LAMA2: variants seen among roughly 807,000 people sequenced by gnomAD.
LAMA2 encodes the protein laminin subunit alpha-2.
LAMA2 carries 269 observed loss-of-function variants against 364.8 expected under a neutral mutation model. The ratio of observed to expected loss-of-function variants is 0.74; its 90% CI spans 0.67 to 0.82. The LOEUF (loss-of-function observed/expected upper bound fraction) is 0.82. Ranked by LOEUF, LAMA2 falls within the 40% of genes least tolerant of loss-of-function variation. The pLI, the probability that LAMA2 is intolerant of heterozygous loss-of-function variation, is 0.00. For synonymous variants in LAMA2, 1,379 were observed against 1,370.6 expected (o/e 1.01, Z -0.14); for missense variants, 3,807 against 3,873.2 (o/e 0.98, Z 0.45).
chr6:129,424,687 A>G (rs1331426936), intron 40 of LAMA2, among the ~76,000 whole-genome samples: 1 of 152,062 alleles, frequency 6.6e-6, no homozygotes, highest in Non-Finnish European at 1.5e-5. Flanking sequence ...AATGTCTAAA[A>G]TTTTAAAAGA....
At chr6:129,349,435 G>C (rs2114585014) in intron 31 of LAMA2, 51 bp downstream of exon 31, 2 of 1,331,744 alleles carry the variant, frequency 1.5e-6, no homozygotes, top group South Asian at 1.2e-5. Flanking sequence ...GGACTATATG[G>C]TAAAGGGTCA....
At chr6:128,922,282 C>A (rs1778789702) in intron 1 of LAMA2, among the ~76,000 whole-genome samples, 2 of 150,694 alleles carry the variant, frequency 1.3e-5, no homozygotes, top group African/African-American at 4.9e-5. Flanking sequence ...GGAATCGCCA[C>A]ACTGACTTCC....
In LAMA2 at chr6:129,315,748, T is replaced by A. The variant is rs765122180; in HGVS notation, c.3736-14T>A. The A allele has an allele frequency of 6.2e-7, 1 of 1,613,896 alleles. No individual in the cohort carries two copies. Among genetic ancestry groups the A allele is most frequent in the South Asian group, 1.1e-5 (1 of 91,076 alleles). ...GATTTATCCAATTCCTCATTCTTCTTTTTATTTTGTCAGTTGATGGCCTAT... is the reference window on the plus strand; with the variant it reads ...GATTTATCCAATTCCTCATTCTTCTATTTATTTTGTCAGTTGATGGCCTAT... On this transcript the variant is annotated splice_polypyrimidine_tract_variant and intron_variant, in intron 25 of 64. Transcript: ENST00000421865.
chr6:129,239,247 A>T (rs265381), intron 12 of LAMA2, among the ~76,000 whole-genome samples: 91,629 of 152,072 alleles, frequency 0.6, 31,505 homozygotes, highest in Non-Finnish European at 0.77. Flanking sequence ...ACACACAGCT[A>T]AAAAGTGGCA....
intron 38 of LAMA2, 104 bp from the exon 39 acceptor site, chr6:129,402,220 A>AG (rs1780017549): frequency 2.2e-6 from 2 of 900,726 alleles, no homozygotes; most frequent in Non-Finnish European, 3.3e-6. Context: ...AAAAAAAAAA[A>AG]AAAAAAACTA....
At chr6:128,975,789 G>C (rs940212147) in intron 1 of LAMA2, among the ~76,000 whole-genome samples, 1 of 152,208 alleles carries the variant, frequency 6.6e-6, no homozygotes, top group African/African-American at 2.4e-5. Context: ...CCATGATTGT[G>C]AGGCCTCCCC....
chr6:129,325,593 T>A (rs1002937081), intron 28 of LAMA2, among the ~76,000 whole-genome samples: 1 of 151,386 alleles, frequency 6.6e-6, no homozygotes, highest in Non-Finnish European at 1.5e-5. Flanking sequence ...TGTCAAATAC[T>A]CTCTCTCTCT....
At position 129,503,085 on chromosome 6, in the gene LAMA2, T is replaced by A; in HGVS notation, c.8358-6T>A. The stretch of plus-strand genomic sequence containing the variant: ...CTGTTTGACTTTGCATGCTTTTGTT[T>A]CACAGTCTCACAATTGAGTTGGAAG... On this transcript the variant is annotated splice_polypyrimidine_tract_variant and splice_region_variant and intron_variant, in intron 59 of 64. Transcript: ENST00000421865. 2 of 1,613,732 alleles carry A rather than the reference T, an allele frequency of 1.2e-6. No individual in the cohort carries two copies. Among genetic ancestry groups the A allele is most frequent in the Non-Finnish European group, 1.7e-6 (2 of 1,179,602 alleles).
At chr6:129,330,726 C>T (rs553189308) in intron 29 of LAMA2, among the ~76,000 whole-genome samples, 3 of 150,638 alleles carry the variant, frequency 2.0e-5, no homozygotes, top group Admixed American at 1.3e-4. Context: ...CTCATGCTTT[C>T]ACTGTAGTAA....
intron 51 of LAMA2, among the ~76,000 whole-genome samples, chr6:129,470,998 C>T (rs1783785075): frequency 6.6e-6 from 1 of 151,698 alleles, no homozygotes; most frequent in Non-Finnish European, 1.5e-5. Context: ...TTCAGTGGAT[C>T]AAGAAAGAGA....
chr6:129,266,250 C>T (rs1341228233), intron 15 of LAMA2, among the ~76,000 whole-genome samples: 1 of 152,112 alleles, frequency 6.6e-6, no homozygotes, highest in Non-Finnish European at 1.5e-5. Flanking sequence ...TTTTGCATCT[C>T]ATCCATTTTG....
intron 28 of LAMA2, 46 bp downstream of exon 28, chr6:129,320,701 A>G: frequency 9.8e-7 from 1 of 1,015,708 alleles, no homozygotes; most frequent in South Asian, 1.3e-5. Context: ...TCACTTCAGG[A>G]GCTAAATGGA....
intron 15 of LAMA2, among the ~76,000 whole-genome samples, chr6:129,264,978 G>A (rs1485170413): frequency 6.6e-6 from 1 of 152,164 alleles, no homozygotes; most frequent in African/African-American, 2.4e-5. Flanking sequence ...ATGAGGCTAA[G>A]AGGACAGTTT....
At chr6:129,021,142 C>G (rs1338523662) in intron 1 of LAMA2, among the ~76,000 whole-genome samples, 2 of 152,112 alleles carry the variant, frequency 1.3e-5, no homozygotes, top group East Asian at 3.9e-4. Context: ...GGCTTAAATT[C>G]CAGTGTTTAA....
At chr6:128,891,478 T>C (rs1340860151) in intron 1 of LAMA2, among the ~76,000 whole-genome samples, 1 of 152,104 alleles carries the variant, frequency 6.6e-6, no homozygotes, top group African/African-American at 2.4e-5. Context: ...AAAGAGAATA[T>C]GAAGCAGTGC....
At chr6:129,282,706 CATTCT>C (rs1295278494) in intron 18 of LAMA2, among the ~76,000 whole-genome samples, 5 of 152,094 alleles carry the variant, frequency 3.3e-5, no homozygotes, top group Admixed American at 6.5e-5. Flanking sequence ...ACTTTCATTC[CATTCT>C]TAGAGGCACA....
At chr6:129,470,969 G>A (rs1247879485) in intron 51 of LAMA2, among the ~76,000 whole-genome samples, 1 of 151,774 alleles carries the variant, frequency 6.6e-6, no homozygotes, top group Non-Finnish European at 1.5e-5. Flanking sequence ...ATGCAAAGTT[G>A]AGAACACTCA....
At chr6:129,294,282 G>A (rs1490701956) in intron 20 of LAMA2, among the ~76,000 whole-genome samples, 1 of 152,158 alleles carries the variant, frequency 6.6e-6, no homozygotes, top group East Asian at 1.9e-4. Context: ...CCTGAGAGAA[G>A]GATACTCTTG....
intron 29 of LAMA2, among the ~76,000 whole-genome samples, chr6:129,329,845 G>A (rs956885841): frequency 8.5e-5 from 13 of 152,138 alleles, no homozygotes; most frequent in Non-Finnish European, 1.6e-4. Context: ...ACAGCAGGAG[G>A]CAAGCAGCAG....
Sources: gnomAD v4.1 joint callset for allele counts (sites outside exome capture counted in the v4.1 genomes callset) on GRCh38, gnomAD v4.1.1 for gene constraint, MANE v1.5 for transcripts, NCBI Gene and HGNC (gene_info 2026-07-23, HGNC 2026-07-21) for gene names.